Variants in CADPS observed in about 807,000 individuals in gnomAD.
CADPS encodes calcium dependent secretion activator.
In CADPS, 57 loss-of-function variants were observed where a neutral mutation model predicts 167.3. That is an observed-to-expected ratio of 0.34 (90% CI 0.28 to 0.42). CADPS has a LOEUF of 0.42. Among genes scored for constraint, CADPS ranks in the 20% least tolerant of loss-of-function variants. The probability of loss-of-function intolerance (pLI) is 1.00; values close to 1 mark genes in which losing one functional copy is unlikely to be tolerated. For missense variants in CADPS, 1,414 were observed against 1,738.1 expected (o/e 0.81, Z 3.32); for synonymous variants, 676 against 635.3 (o/e 1.06, Z -0.96).
At chr3:62,533,131 T>A (rs1343186608) in intron 12 of CADPS, 73 bp from the exon 13 acceptor site, 7 of 1,372,940 alleles carry the variant, frequency 5.1e-6, no homozygotes, top group Admixed American at 1.9e-5. Context: ...GAGTTGGGAG[T>A]GGCTAGAGAA....
At chr3:62,645,699 G>A (rs761810436) in intron 6 of CADPS, 23 bp downstream of exon 6, 263 of 1,612,820 alleles carry the variant, frequency 1.6e-4, no homozygotes, top group Non-Finnish European at 2.2e-4. Context: ...CTATAAGATG[G>A]ACCCTGGAGA....
chr3:62,543,611 T>C (rs1577478403), intron 11 of CADPS, among the ~76,000 whole-genome samples: 1 of 151,474 alleles, frequency 6.6e-6, no homozygotes, highest in East Asian at 1.9e-4. Context: ...GGTACATTTA[T>C]GCAAAATAAA....
chr3:62,595,397 C>A (rs2058762577), intron 6 of CADPS, among the ~76,000 whole-genome samples: 1 of 152,006 alleles, frequency 6.6e-6, no homozygotes, highest in Non-Finnish European at 1.5e-5. Flanking sequence ...GGTTTTGAAC[C>A]AGATATCTTT....
At chr3:62,596,572 A>G (rs2058976632) in intron 6 of CADPS, among the ~76,000 whole-genome samples, 1 of 152,102 alleles carries the variant, frequency 6.6e-6, no homozygotes, top group South Asian at 2.1e-4. Flanking sequence ...ATCACCTCAA[A>G]TATTTATCAT....
intron 28 of CADPS, among the ~76,000 whole-genome samples, chr3:62,411,382 G>C (rs960238668): frequency 6.6e-6 from 1 of 152,124 alleles, no homozygotes; most frequent in Non-Finnish European, 1.5e-5. Flanking sequence ...ATAATACTTT[G>C]ACCACGCCCA....
chr3:62,501,203 G>C (rs556797726), intron 17 of CADPS, among the ~76,000 whole-genome samples: 2 of 152,322 alleles, frequency 1.3e-5, no homozygotes, highest in African/African-American at 4.8e-5. Context: ...TAGGTGCTGA[G>C]AGCCCATTGC....
At chr3:62,870,159 C>T (rs185377854) in intron 1 of CADPS, among the ~76,000 whole-genome samples, 2 of 152,148 alleles carry the variant, frequency 1.3e-5, no homozygotes, top group Admixed American at 6.5e-5. Context: ...TGCCAACAAG[C>T]CCATTTAAAT....
chr3:62,661,021 T>C (rs749796174), intron 4 of CADPS, among the ~76,000 whole-genome samples: 5 of 152,168 alleles, frequency 3.3e-5, no homozygotes, highest in Non-Finnish European at 2.9e-5. Context: ...GAGGGCTGTT[T>C]TGAGGATTGA....
chr3:62,766,007 G>C (rs759174751), intron 1 of CADPS, 23 bp from the exon 2 acceptor site: 2 of 1,515,358 alleles, frequency 1.3e-6, no homozygotes, highest in Admixed American at 3.4e-5. Flanking sequence ...GAAAAAGAGG[G>C]AAATGTGAGA....
chr3:62,647,155 A>G (rs945531933), intron 5 of CADPS, among the ~76,000 whole-genome samples: 2 of 152,222 alleles, frequency 1.3e-5, no homozygotes, highest in Non-Finnish European at 2.9e-5. Context: ...GTCCTTATAC[A>G]TGAAAAAATC....
chr3:62,777,526 T>C (rs905893780), intron 1 of CADPS, among the ~76,000 whole-genome samples: 1 of 152,144 alleles, frequency 6.6e-6, no homozygotes, highest in Non-Finnish European at 1.5e-5. Context: ...GTGCACACCC[T>C]AATGCAAACT....
At chr3:62,431,888 A>G (rs1389989139) in intron 28 of CADPS, among the ~76,000 whole-genome samples, 2 of 150,446 alleles carry the variant, frequency 1.3e-5, no homozygotes, top group Non-Finnish European at 3.0e-5. Flanking sequence ...ATATAGAAAA[A>G]GATTAAAAAA....
At position 62,841,624 on chromosome 3, in the gene CADPS, G is replaced by A. The variant is rs553735113; in HGVS notation, c.441+32965C>T. Among the ~76,000 whole-genome samples the A allele has an allele frequency of 2.0e-5, 3 of 152,296 alleles. No homozygotes were observed. The East Asian group carries it at 5.8e-4, about 29-fold the overall frequency. On this transcript the variant is annotated intron_variant, in intron 1 of 29. Transcript: ENST00000383710. ...CCCAGCCGCTCAGGAGGGTGAGGCA[G>A]GAAGAGGTCGAGGCTGCAGCGAGCC...
chr3:62,702,246 TG>T (rs2081529389), intron 3 of CADPS, among the ~76,000 whole-genome samples: 2 of 152,218 alleles, frequency 1.3e-5, no homozygotes, highest in African/African-American at 4.8e-5. Context: ...CAGATACTTT[TG>T]CTTTACAGAT....
At chr3:62,774,123 G>T (rs1340385831) in intron 1 of CADPS, among the ~76,000 whole-genome samples, 1 of 152,030 alleles carries the variant, frequency 6.6e-6, no homozygotes, top group Non-Finnish European at 1.5e-5. Flanking sequence ...AAGGTGAGTT[G>T]GGGCTAAAGA....
chr3:62,839,063 A>T (rs1169755954), intron 1 of CADPS, among the ~76,000 whole-genome samples: 1 of 152,238 alleles, frequency 6.6e-6, no homozygotes, highest in East Asian at 1.9e-4. Flanking sequence ...GTCCAATGAC[A>T]GATTTATTCA....
intron 1 of CADPS, among the ~76,000 whole-genome samples, chr3:62,822,022 C>T (rs2094944350): frequency 6.6e-6 from 1 of 152,174 alleles, no homozygotes; most frequent in Non-Finnish European, 1.5e-5. Context: ...GACCATCCAT[C>T]CTCAAGCCAG....
chr3:62,707,431 A>C (rs1251042659), intron 3 of CADPS, among the ~76,000 whole-genome samples: 1 of 152,122 alleles, frequency 6.6e-6, no homozygotes, highest in African/African-American at 2.4e-5. Context: ...GGACTACATC[A>C]CCATTATATC....
At chr3:62,629,757 G>GTTT (rs55956118) in intron 6 of CADPS, among the ~76,000 whole-genome samples, 1 of 145,678 alleles carries the variant, frequency 6.9e-6, no homozygotes. Flanking sequence ...CTCTGGTACA[G>GTTT]TTTTTTTTTT....
Sources: gnomAD v4.1 joint callset for allele counts (sites outside exome capture counted in the v4.1 genomes callset) on GRCh38, gnomAD v4.1.1 for gene constraint, MANE v1.5 for transcripts, NCBI Gene and HGNC (gene_info 2026-07-23, HGNC 2026-07-21) for gene names.